Variants in NASP observed in about 807,000 individuals in gnomAD.
NASP encodes the protein nuclear autoantigenic sperm protein.
A neutral mutation model predicts 89.5 loss-of-function variants in NASP; 24 were observed. That is an observed-to-expected ratio of 0.27 (90% CI 0.19 to 0.38). The LOEUF is 0.38. NASP is among the 10% of genes least tolerant of loss of function. The pLI is 1.00. For synonymous variants in NASP, 306 were observed against 324.7 expected (o/e 0.94, Z 0.62); for missense variants, 848 against 921.4 (o/e 0.92, Z 1.03).
At chr1:45,591,299 C>T (rs1489695636) in intron 2 of NASP, 29 bp downstream of exon 2, 20 of 1,386,660 alleles carry the variant, frequency 1.4e-5, no homozygotes, top group African/African-American at 4.5e-5. Flanking sequence ...TAGTTAGATT[C>T]GTATCAGAAA....
Position 45,595,090 on chromosome 1 carries a change from A to G in NASP, c.107+3820A>G, listed in dbSNP as rs74424279. On this transcript the variant is annotated intron_variant, in intron 2 of 14. Coordinates refer to ENST00000350030, the MANE Select transcript of NASP (RefSeq NM_002482.4). ...GCTTGGTGCAGCCTCAAACTCCTGG[A>G]CCAAGAGATACTCCTGCCTCAGCCT... Among the ~76,000 whole-genome samples the G allele has an allele frequency of 3.5e-3, 528 of 150,140 alleles. 5 individuals are homozygous for G. The highest frequency in any genetic ancestry group is 0.034 in the East Asian group (175 of 5,090).
In NASP at chr1:45,590,437, C is replaced by CTT. The variant is rs1194871277; in HGVS notation, c.60-786_60-785insTT. 4.3e-4 allele frequency among the ~76,000 whole-genome samples: 65 copies of CTT among 151,304 alleles called. 1 individual carries two copies. The Middle Eastern group carries it at 0.031, about 72-fold the overall frequency. ...CCGGTGCACAGGCACCGGCCTGGCACCAGGCCCAGGCTGAGGCAGGAGAAT... is the reference window on the plus strand; with the variant it reads ...CCGGTGCACAGGCACCGGCCTGGCACTTCAGGCCCAGGCTGAGGCAGGAGAAT... On this transcript the variant is annotated intron_variant, in intron 1 of 14. Coordinates refer to ENST00000350030, the MANE Select transcript of NASP (RefSeq NM_002482.4).
At position 45,584,229 on chromosome 1, in the gene NASP, A is replaced by C. The variant is rs777975017; in HGVS notation, c.59+24A>C. ...AAGTAAGCGGGACTGTGGAAAGCTT[A>C]AGGCACTGGCCAGTCCGCGGGGAGG... On this transcript the variant is annotated intron_variant, in intron 1 of 14. Coordinates refer to ENST00000350030, the MANE Select transcript of NASP (RefSeq NM_002482.4). 1.0e-4 allele frequency: 158 copies of C among 1,568,402 alleles called. No individual in the cohort carries two copies. The East Asian group carries it at 3.6e-3, about 36-fold the overall frequency.
chr1:45,612,735 A>T (rs974127643), intron 6 of NASP: 1 of 153,886 alleles, frequency 6.5e-6, no homozygotes, highest in African/African-American at 2.4e-5. Context: ...ATCAGAATGG[A>T]CTGGAATAAT....
At chr1:45,600,581 A>G in intron 2 of NASP, 2 of 587,928 alleles carry the variant, frequency 3.4e-6, no homozygotes, top group Non-Finnish European at 4.5e-6. Flanking sequence ...TATGATGTAG[A>G]TATATCACAA....
intron 2 of NASP, 133 bp downstream of exon 2, chr1:45,591,403 G>GA (rs1480522308): frequency 3.2e-6 from 2 of 620,042 alleles, no homozygotes; most frequent in Admixed American, 3.8e-5. Flanking sequence ...TGCTCAGGCC[G>GA]AAGTGCAGTG....
In NASP at chr1:45,613,989, C is replaced by T. The variant is rs908778357; in HGVS notation, c.1507-107C>T. ...ATTCTCTAGATTTTAGGGAGAAAGTCCAAATTTTGAATCGTATATCAACTT... is the reference window on the plus strand; with the variant it reads ...ATTCTCTAGATTTTAGGGAGAAAGTTCAAATTTTGAATCGTATATCAACTT... On this transcript the variant is annotated intron_variant, in intron 7 of 14. Transcript: ENST00000350030. The T allele has an allele frequency of 1.1e-5, 9 of 821,426 alleles. No individual in the cohort carries two copies. The African/African-American group carries it at 1.6e-4, about 14-fold the overall frequency. The allele number at this position is 821,426 out of a possible 1,614,324, so 50.9% of individuals were successfully genotyped here.
rs1292487706 is a variant in NASP, at chr1:45,615,167, C to T, written c.1821C>T (p.Phe607=). 6.2e-6 allele frequency: 10 copies of T among 1,614,022 alleles called. No homozygotes were observed. Among genetic ancestry groups the T allele is most frequent in the Non-Finnish European group, 8.5e-6 (10 of 1,180,050 alleles). ...NSQYDEAVAQ[F]SKSIEVIENR... is the part of the protein sequence containing the mutation. ...AGTATGATGAGGCAGTGGCACAGTT[C>T]AGCAAATCTATTGAAGTCATTGAGA... The change falls in exon 10 of 15, where the codon TTC becomes TTT. Residue 607 remains phenylalanine, a synonymous_variant. Coordinates refer to ENST00000350030, the MANE Select transcript of NASP (RefSeq NM_002482.4).
At chr1:45,598,812 G>A (rs576699267) in intron 2 of NASP, among the ~76,000 whole-genome samples, 29 of 152,066 alleles carry the variant, frequency 1.9e-4, no homozygotes, top group Non-Finnish European at 3.2e-4. Flanking sequence ...GATTTGAATC[G>A]CTGCCATTAA....
chr1:45,606,588 G>C lies in NASP; in HGVS notation c.406G>C (p.Asp136His). 6.3e-7 allele frequency: 1 copy of C among 1,584,376 alleles called. No individual in the cohort carries two copies. Among genetic ancestry groups the C allele is most frequent in the Non-Finnish European group, 8.7e-7 (1 of 1,152,946 alleles). ...TCTGGTAGAAAATAATGATAACATA[G>C]ATGGTATGTGGAGTTGCATGTGACA... ...ESLVENNDNI[D>H]EEAREELREQ... Residue 136 changes from aspartate to histidine, a missense_variant, in exon 5 of 15, where the codon GAT becomes CAT. Coordinates refer to ENST00000350030, the MANE Select transcript of NASP (RefSeq NM_002482.4).
At chr1:45,588,029 C>G (rs1184593309) in intron 1 of NASP, among the ~76,000 whole-genome samples, 1 of 151,866 alleles carries the variant, frequency 6.6e-6, no homozygotes, top group East Asian at 2.0e-4. Context: ...CACTTGAAGC[C>G]AGGAGTTCGA....
chr1:45,601,745 ATTTTTTT>A (rs71056316), intron 2 of NASP, among the ~76,000 whole-genome samples: 6 of 68,940 alleles, frequency 8.7e-5, no homozygotes, highest in South Asian at 7.8e-4. Flanking sequence ...CGTTAAGAGA[ATTTTTTT>A]TTTTTTTTTT....
intron 2 of NASP, among the ~76,000 whole-genome samples, chr1:45,591,811 C>T (rs1010025241): frequency 1.4e-4 from 21 of 151,974 alleles, no homozygotes; most frequent in Admixed American, 1.2e-3. Context: ...TAGGTTACAT[C>T]CCTAGAGATT....
At chr1:45,612,420 C>G (rs961355429) in intron 6 of NASP, 1 of 152,152 alleles carries the variant, frequency 6.6e-6, no homozygotes, top group African/African-American at 2.4e-5. Flanking sequence ...TTATTTTAAT[C>G]ACTTAACATT....
chr1:45,611,416 A>AT (rs1644006189), intron 6 of NASP: 1 of 149,428 alleles, frequency 6.7e-6, no homozygotes, highest in Non-Finnish European at 1.5e-5. Context: ...TCTTCAAGGA[A>AT]TGGTGGGGAG....
rs1208399930 is a variant in NASP at position 45,584,146 on chromosome 1, G to A, written c.-1G>A. 3.8e-6 allele frequency: 6 copies of A among 1,593,430 alleles called. No individual in the cohort carries two copies. In the East Asian group the frequency reaches 1.4e-4, roughly 36 times the overall value. ...CGCTGGTTCGCCACCTCAGGGGAAC[G>A]ATGGCCATGGAGTCCACAGCCACTG... is the stretch of plus-strand genomic sequence containing the variant. On this transcript the variant is annotated 5_prime_UTR_variant, in exon 1 of 15. Transcript: ENST00000350030.
At chr1:45,593,485 A>G (rs192027412) in intron 2 of NASP, among the ~76,000 whole-genome samples, 2 of 140,800 alleles carry the variant, frequency 1.4e-5, no homozygotes, top group Non-Finnish European at 3.0e-5. Flanking sequence ...TTGAGCCAAG[A>G]TTGTGCCACT....
At chr1:45,613,025 T>TA in intron 6 of NASP, 144 bp from the exon 7 acceptor site, 1 of 1,177,014 alleles carries the variant, frequency 8.5e-7, no homozygotes, top group Non-Finnish European at 1.1e-6. Context: ...CCACTGACGA[T>TA]ATATTCAGTT....
rs775309901 is a variant in NASP, at chr1:45,584,167, C to T, written c.21C>T (p.Ala7=). Residue 7 remains alanine, a synonymous_variant, in exon 1 of 15, where the codon GCC becomes GCT. Transcript: ENST00000350030. Reference sequence around the variant, plus strand: ...GAACGATGGCCATGGAGTCCACAGCCACTGCCGCCGTCGCCGCGGAGCTGG... The same window carrying T: ...GAACGATGGCCATGGAGTCCACAGCTACTGCCGCCGTCGCCGCGGAGCTGG... MAMEST[A]TAAVAAELVS... The T allele has an allele frequency of 6.9e-6, 11 of 1,597,302 alleles. 1 individual carries two copies. In the South Asian group the frequency reaches 1.2e-4, roughly 18 times the overall value.
Sources: gnomAD v4.1 joint callset for allele counts (sites outside exome capture counted in the v4.1 genomes callset) on GRCh38, gnomAD v4.1.1 for gene constraint, MANE v1.5 for transcripts, NCBI Gene and HGNC (gene_info 2026-07-23, HGNC 2026-07-21) for gene names.